The following C2CD3 variants were observed in gnomAD, a reference collection of about 807,000 sequenced individuals.
C2CD3 encodes the protein C2 domain-containing protein 3.
In C2CD3, 148 loss-of-function variants were observed where a neutral mutation model predicts 234.0. That is an observed-to-expected ratio of 0.63 (90% CI 0.55 to 0.72). C2CD3 has a LOEUF of 0.72. Ranked by LOEUF, C2CD3 falls within the 30% of genes least tolerant of loss-of-function variation. C2CD3 has a pLI of 0.00. For missense variants in C2CD3, 2,577 were observed against 2,811.5 expected (o/e 0.92, Z 1.89); for synonymous variants, 1,000 against 1,035.4 (o/e 0.97, Z 0.66).
At chr11:74,064,794 C>G (rs1366381132) in intron 24 of C2CD3, among the ~76,000 whole-genome samples, 1 of 152,146 alleles carries the variant, frequency 6.6e-6, no homozygotes, top group East Asian at 1.9e-4. Context: ...TGATCTTTGA[C>G]AAACCTGACA....
chr11:74,082,827 G>A (rs1225434244), intron 22 of C2CD3, among the ~76,000 whole-genome samples: 3 of 152,140 alleles, frequency 2.0e-5, no homozygotes, highest in Non-Finnish European at 4.4e-5. Context: ...CCATGCTCAT[G>A]GATAGGAAGA....
chr11:74,132,341 A>T (rs1957704215), intron 7 of C2CD3, among the ~76,000 whole-genome samples: 2 of 152,014 alleles, frequency 1.3e-5, no homozygotes, highest in African/African-American at 4.8e-5. Context: ...ACAGAGTGAG[A>T]CTCCGTCTCA....
At chr11:74,029,196 A>G (rs941118154) in intron 31 of C2CD3, among the ~76,000 whole-genome samples, 1 of 152,210 alleles carries the variant, frequency 6.6e-6, no homozygotes, top group African/African-American at 2.4e-5. Context: ...TCACTGATTC[A>G]GTTTAGTTGA....
Position 74,103,603 on chromosome 11 carries a change from T to C in C2CD3, c.2108A>G (p.Asp703Gly), listed in dbSNP as rs775712753. The C allele has an allele frequency of 6.2e-7, 1 of 1,612,390 alleles. No homozygotes were observed. The highest frequency in any genetic ancestry group is 1.7e-5 in the Admixed American group (1 of 59,980). ...PLKVTMELIT[D>G]NKDFTGINTK... is the part of the protein sequence containing the mutation. ...ATTGATACCAGTGAAATCTTTGTTA[T>C]CTGTAATAAGCTCCATGGTTACCTG... The change falls in exon 14 of 33, where the codon GAT becomes GGT. Residue 703 changes from aspartate to glycine, a missense_variant. By Grantham distance (94) the Asp-to-Gly change is moderately conservative. Coordinates refer to ENST00000334126, the MANE Select transcript of C2CD3 (RefSeq NM_001286577.2).
intron 9 of C2CD3, among the ~76,000 whole-genome samples, chr11:74,117,563 A>G (rs187569488): frequency 0.01 from 1,587 of 151,850 alleles, 23 homozygotes; most frequent in Middle Eastern, 0.031. Context: ...CATAAGAATG[A>G]TACAATGGAC....
In C2CD3 at chr11:74,123,108, C is replaced by T. The variant is rs1957274908; in HGVS notation, c.1245G>A (p.Trp415Ter). The change falls in exon 8 of 33, where the codon TGG (tryptophan) becomes TGA (stop). Residue 415 changes from tryptophan (W) to a stop codon, truncating the protein, a stop_gained. Transcript: ENST00000334126. LOFTEE classifies it high-confidence loss of function. ...AATCTGGAGGAGAGCCTAGCCCATC[C>T]CAGAAATTGCCTTGGGATAATTCAG... ...GSAELSQGNF[W>*]DGLGSPPDSP... 1 of 1,613,084 alleles carries T rather than the reference C, an allele frequency of 6.2e-7. No homozygotes were observed. Among genetic ancestry groups the T allele is most frequent in the Non-Finnish European group, 8.5e-7 (1 of 1,179,262 alleles).
chr11:74,114,720 G>T, intron 9 of C2CD3, 127 bp from the exon 10 acceptor site: 1 of 651,246 alleles, frequency 1.5e-6, no homozygotes, highest in South Asian at 1.9e-5. Flanking sequence ...TTTTATTTTT[G>T]ACACAGGGTG....
At chr11:74,075,502 A>G (rs568654009) in intron 23 of C2CD3, among the ~76,000 whole-genome samples, 4 of 152,332 alleles carry the variant, frequency 2.6e-5, no homozygotes, top group Non-Finnish European at 5.9e-5. Flanking sequence ...TCTGGCAGTA[A>G]GTGGCAGATT....
chr11:74,150,530 AAC>A (rs1855567263), intron 3 of C2CD3, among the ~76,000 whole-genome samples: 9 of 102,276 alleles, frequency 8.8e-5, no homozygotes, highest in African/African-American at 4.0e-4. Context: ...AAAAAAACAA[AAC>A]AAATTTCTAA....
intron 32 of C2CD3, among the ~76,000 whole-genome samples, chr11:74,018,170 T>C (rs547601534): frequency 1.3e-5 from 2 of 151,576 alleles, no homozygotes; most frequent in South Asian, 4.1e-4. Context: ...AATTCAGATA[T>C]GGCCGAGGTT....
intron 24 of C2CD3, among the ~76,000 whole-genome samples, chr11:74,073,431 A>G (rs1050799459): frequency 1.3e-5 from 2 of 152,080 alleles, no homozygotes; most frequent in African/African-American, 4.8e-5. Flanking sequence ...TACTAAAAAT[A>G]CAAAAATTAG....
At chr11:74,024,471 T>C (rs1219463156) in intron 32 of C2CD3, among the ~76,000 whole-genome samples, 3 of 152,086 alleles carry the variant, frequency 2.0e-5, no homozygotes, top group African/African-American at 7.2e-5. Context: ...ACAACAGCAA[T>C]AGTAAGTATG....
rs1382700849 is a variant in C2CD3, at chr11:74,078,311, T to C, written c.4407A>G (p.Ala1469=). The C allele has an allele frequency of 8.7e-6, 14 of 1,614,176 alleles. No homozygotes were observed. The highest frequency in any genetic ancestry group is 1.2e-5 in the Non-Finnish European group (14 of 1,180,014). Residue 1469 remains alanine (A), a synonymous_variant, in exon 23 of 33, where the codon GCA becomes GCG. Transcript: ENST00000334126. The stretch of plus-strand genomic sequence containing the variant: ...CCCTGGTGACTTCTGCTCTTTTGGA[T>C]GCCTTGAAAGTGACCATAATCTGCT... ...NKKQIMVTFK[A]SKRAEVTRGP... is the part of the protein sequence containing the mutation.
At chr11:74,015,368 T>C (rs1951842104) in intron 32 of C2CD3, among the ~76,000 whole-genome samples, 2 of 152,258 alleles carry the variant, frequency 1.3e-5, no homozygotes, top group South Asian at 2.1e-4. Context: ...AGGTCTTTAG[T>C]TAAGTTAAAC....
intron 2 of C2CD3, 133 bp downstream of exon 2, chr11:74,168,211 T>C: frequency 2.8e-6 from 2 of 711,992 alleles, no homozygotes; most frequent in South Asian, 3.7e-5. Flanking sequence ...AAATGTCTAC[T>C]ATAAAAACTC....
intron 17 of C2CD3, 50 bp from the exon 18 acceptor site, chr11:74,094,049 T>C (rs767217854): frequency 1.3e-5 from 18 of 1,430,384 alleles, no homozygotes; most frequent in African/African-American, 2.8e-5. Context: ...GACTTAGTGT[T>C]TTCTTCTTCT....
chr11:74,150,492 CAAAAAA>C (rs769668218), intron 3 of C2CD3, among the ~76,000 whole-genome samples: 1 of 16,246 alleles, frequency 6.2e-5, no homozygotes, highest in African/African-American at 2.6e-4. Flanking sequence ...GACCCTGTCT[CAAAAAA>C]AAAAAAAAAA....
intron 7 of C2CD3, among the ~76,000 whole-genome samples, chr11:74,130,281 G>A (rs12574898): frequency 0.18 from 27,124 of 151,126 alleles, 2,620 homozygotes; most frequent in East Asian, 0.3. Flanking sequence ...GCTGGAATAC[G>A]GTGGTGTAAT....
chr11:74,152,417 T>A (rs1483262890), intron 3 of C2CD3, among the ~76,000 whole-genome samples: 2 of 152,152 alleles, frequency 1.3e-5, no homozygotes, highest in East Asian at 1.9e-4. Context: ...ACCTTCCCCA[T>A]AAGGAAAAAT....
Sources: allele counts gnomAD v4.1 joint callset (sites outside exome capture counted in the v4.1 genomes callset), GRCh38; gene constraint gnomAD v4.1.1; transcripts MANE v1.5; gene names NCBI Gene and HGNC (gene_info 2026-07-23, HGNC 2026-07-21).